The following SP1 variants were observed in gnomAD, a reference collection of about 807,000 sequenced individuals.
SP1 encodes the protein Sp1 transcription factor.
In SP1, 6 loss-of-function variants were observed where a neutral mutation model predicts 66.3. The observed-to-expected ratio is 0.09, with a 90% CI of 0.05 to 0.18. The LOEUF (loss-of-function observed/expected upper bound fraction) is 0.18. SP1 is among the 10% of genes least tolerant of loss of function. The probability of loss-of-function intolerance (pLI) is 1.00; values close to 1 mark genes in which losing one functional copy is unlikely to be tolerated. For missense variants in SP1, 848 were observed against 964.5 expected (o/e 0.88, Z 1.60); for synonymous variants, 417 against 360.8 (o/e 1.16, Z -1.77).
At chr12:53,398,015 A>G (rs917293366) in intron 3 of SP1, among the ~76,000 whole-genome samples, 1 of 151,946 alleles carries the variant, frequency 6.6e-6, no homozygotes, top group African/African-American at 2.4e-5. Flanking sequence ...GAACTTCCTT[A>G]CTTTAATCTT....
At chr12:53,380,750 C>A in intron 1 of SP1, 1 of 688,172 alleles carries the variant, frequency 1.5e-6, no homozygotes, top group Non-Finnish European at 1.8e-6. Flanking sequence ...CCCCGCCCCC[C>A]ACCGTCCCGC....
intron 3 of SP1, among the ~76,000 whole-genome samples, chr12:53,397,742 T>G (rs183426357): frequency 1.7e-4 from 26 of 151,918 alleles, no homozygotes; most frequent in Non-Finnish European, 3.7e-4. Context: ...TTAGTAGAGA[T>G]AGGGTTTCAC....
At chr12:53,388,152 A>G (rs1938270910) in intron 3 of SP1, among the ~76,000 whole-genome samples, 1 of 152,206 alleles carries the variant, frequency 6.6e-6, no homozygotes, top group Admixed American at 6.5e-5. Context: ...GTAGAAAATT[A>G]GACACTTCTG....
chr12:53,398,677 A>C (rs1592565700), intron 3 of SP1, among the ~76,000 whole-genome samples: 1 of 152,346 alleles, frequency 6.6e-6, no homozygotes, highest in East Asian at 1.9e-4. Context: ...GTGGTTGTGC[A>C]CAAAGGACTG....
chr12:53,391,706 G>A (rs184394879), intron 3 of SP1, among the ~76,000 whole-genome samples: 10 of 151,220 alleles, frequency 6.6e-5, no homozygotes, highest in Admixed American at 2.7e-4. Context: ...ACCCGGGTCC[G>A]GTCATGAGCA....
At chr12:53,381,589 C>G (rs1592553180) in intron 1 of SP1, 70 bp from the exon 2 acceptor site, 1 of 1,408,816 alleles carries the variant, frequency 7.1e-7, no homozygotes, top group Non-Finnish European at 9.7e-7. Context: ...ATCATAGCCT[C>G]CTTTTATCCT....
Position 53,391,860 on chromosome 12 carries a change from C to T in SP1, c.1675+8238C>T, listed in dbSNP as rs191802749. On this transcript the variant is annotated intron_variant, in intron 3 of 5. Transcript: ENST00000327443. ...GTGAGAACATGCAGTATTTTGTTTT[C>T]TGTTCCAGCGTTTATTCACTTACGA... is the stretch of plus-strand genomic sequence containing the variant. 2.4e-3 allele frequency among the ~76,000 whole-genome samples: 371 copies of T among 151,566 alleles called. 1 individual carries two copies. The highest frequency in any genetic ancestry group is 7.4e-3 in the African/African-American group (304 of 41,344).
rs1938119035 is a variant in SP1, at chr12:53,382,285, C to T, written c.338C>T (p.Ser113Phe). The T allele has an allele frequency of 6.2e-7, 1 of 1,614,180 alleles. No individual in the cohort carries two copies. The highest frequency in any genetic ancestry group is 8.5e-7 in the Non-Finnish European group (1 of 1,180,022). The change falls in exon 3 of 6, where the codon TCC becomes TTC. Residue 113 changes from serine to phenylalanine, a missense_variant. Coordinates refer to ENST00000327443, the MANE Select transcript of SP1 (RefSeq NM_138473.3). ...GANGWQIISS[S>F]SGATPTSKEQ... is the part of the protein sequence containing the mutation. ...AATGGCTGGCAGATCATCTCTTCCTCCTCTGGGGCTACCCCTACCTCAAAG... is the reference window on the plus strand; with the variant it reads ...AATGGCTGGCAGATCATCTCTTCCTTCTCTGGGGCTACCCCTACCTCAAAG...
At chr12:53,407,358 G>T (rs2683519) in intron 4 of SP1, among the ~76,000 whole-genome samples, 98,891 of 150,606 alleles carry the variant, frequency 0.66, 33,138 homozygotes, top group East Asian at 0.9. Flanking sequence ...GACAAAGTCA[G>T]TCTGTGTTTC....
intron 3 of SP1, among the ~76,000 whole-genome samples, chr12:53,383,862 C>T (rs1938164984): frequency 6.6e-6 from 1 of 152,142 alleles, no homozygotes; most frequent in Non-Finnish European, 1.5e-5. Flanking sequence ...GTCTGTAATA[C>T]TCAGTGTTTT....
chr12:53,381,565 G>A (rs12300240), intron 1 of SP1, 94 bp from the exon 2 acceptor site: 2 of 1,180,294 alleles, frequency 1.7e-6, no homozygotes, highest in Non-Finnish European at 2.4e-6. Flanking sequence ...CTTCCTGTTA[G>A]TCATTGCTAT....
rs867617523 is a variant in SP1, at chr12:53,380,716, C to G, written c.7+418C>G. The G allele has an allele frequency of 3.6e-4, 349 of 963,318 alleles. 1 individual carries two copies. The highest frequency in any genetic ancestry group is 1.1e-3 in the Middle Eastern group (2 of 1,882). 59.7% of individuals were successfully genotyped at this position (963,318 alleles called of 1,614,324 possible). ...GCCTGCTCCAAGGCCCTCCTCCCCCCACTTTCCGTAGATTTCCCTTCCCCC... is the reference window on the plus strand; with the variant it reads ...GCCTGCTCCAAGGCCCTCCTCCCCCGACTTTCCGTAGATTTCCCTTCCCCC... On this transcript the variant is annotated intron_variant, in intron 1 of 5. Transcript: ENST00000327443.
At chr12:53,397,057 C>A (rs1261903514) in intron 3 of SP1, among the ~76,000 whole-genome samples, 1 of 152,054 alleles carries the variant, frequency 6.6e-6, no homozygotes, top group Non-Finnish European at 1.5e-5. Flanking sequence ...CTCTGTTGCC[C>A]AAGCTAGAGT....
intron 1 of SP1, chr12:53,380,772 C>A: frequency 1.8e-6 from 1 of 558,740 alleles, no homozygotes; most frequent in Non-Finnish European, 2.3e-6. Flanking sequence ...CTTTCCACGC[C>A]CCTCACCCCG....
chr12:53,394,409 CTTTTT>C (rs59816754), intron 3 of SP1, among the ~76,000 whole-genome samples: 380 of 114,882 alleles, frequency 3.3e-3, no homozygotes, highest in African/African-American at 0.012. Flanking sequence ...TTAAAAGTAT[CTTTTT>C]TTTTTTTTTT....
At chr12:53,401,924 C>T (rs1333385884) in intron 3 of SP1, among the ~76,000 whole-genome samples, 2 of 152,144 alleles carry the variant, frequency 1.3e-5, no homozygotes, top group Non-Finnish European at 2.9e-5. Flanking sequence ...CCAGCTCGGC[C>T]TTGTAAAGTG....
chr12:53,402,863 C>T (rs1434489119), intron 3 of SP1, among the ~76,000 whole-genome samples: 1 of 151,642 alleles, frequency 6.6e-6, no homozygotes, highest in East Asian at 1.9e-4. Context: ...GTCCCAGTTA[C>T]TTAGAAGGCT....
chr12:53,380,348 C>T (rs902666345), intron 1 of SP1, 50 bp downstream of exon 1: 4 of 1,391,882 alleles, frequency 2.9e-6, no homozygotes, highest in Non-Finnish European at 3.8e-6. Context: ...AGTGAGGGGG[C>T]GCGCGCGAGG....
At chr12:53,391,912 T>C (rs982849162) in intron 3 of SP1, among the ~76,000 whole-genome samples, 1 of 152,078 alleles carries the variant, frequency 6.6e-6, no homozygotes. Context: ...CATCCAGACA[T>C]GGATGCAAAA....
Sources: gnomAD v4.1 joint callset for allele counts (sites outside exome capture counted in the v4.1 genomes callset) on GRCh38, gnomAD v4.1.1 for gene constraint, MANE v1.5 for transcripts, NCBI Gene and HGNC (gene_info 2026-07-23, HGNC 2026-07-21) for gene names.